IMMP2L: variants seen among roughly 807,000 people sequenced by gnomAD.
IMMP2L encodes mitochondrial inner membrane protease subunit 2.
A neutral mutation model predicts 19.3 loss-of-function variants in IMMP2L; 18 were observed. The ratio of observed to expected loss-of-function variants is 0.93; its 90% CI spans 0.64 to 1.38. The LOEUF is 1.38. Ranked by LOEUF, IMMP2L falls within the 40% of genes most tolerant of loss-of-function variation. The pLI is 0.00. For missense variants in IMMP2L, 233 were observed against 218.2 expected, an observed-to-expected ratio of 1.07 and a Z score of -0.43; for synonymous variants, 76 against 73.0, an observed-to-expected ratio of 1.04 and a Z score of -0.21.
At chr7:111,061,056 T>C (rs1275661226) in intron 3 of IMMP2L, among the ~76,000 whole-genome samples, 1 of 152,248 alleles carries the variant, frequency 6.6e-6, no homozygotes, top group East Asian at 1.9e-4. Flanking sequence ...GTGTTTATTT[T>C]CATGGTTGCA....
At chr7:111,001,609 ATT>A (rs1386335742) in intron 3 of IMMP2L, among the ~76,000 whole-genome samples, 1 of 152,202 alleles carries the variant, frequency 6.6e-6, no homozygotes, top group African/African-American at 2.4e-5. Context: ...ACATGAATCA[ATT>A]AAAGCAATAT....
At chr7:111,479,780 A>C (rs934620242) in intron 3 of IMMP2L, among the ~76,000 whole-genome samples, 4 of 152,160 alleles carry the variant, frequency 2.6e-5, no homozygotes, top group African/African-American at 9.7e-5. Context: ...ATTTATAAAC[A>C]TAAGCACTAG....
intron 2 of IMMP2L, among the ~76,000 whole-genome samples, chr7:111,510,647 G>C (rs1197166136): frequency 1.3e-5 from 2 of 152,020 alleles, no homozygotes; most frequent in Non-Finnish European, 2.9e-5. Context: ...CCCAAGGCCA[G>C]GTACCAGGCA....
At chr7:111,495,047 T>C (rs1389560710) in intron 2 of IMMP2L, among the ~76,000 whole-genome samples, 1 of 152,160 alleles carries the variant, frequency 6.6e-6, no homozygotes, top group African/African-American at 2.4e-5. Context: ...AAAAATTTAA[T>C]ATGCATAATT....
intron 3 of IMMP2L, among the ~76,000 whole-genome samples, chr7:111,284,435 G>C (rs1343653842): frequency 2.0e-5 from 3 of 152,114 alleles, no homozygotes; most frequent in African/African-American, 7.2e-5. Flanking sequence ...GAGAGAGGGA[G>C]TAGGACTGAG....
chr7:111,547,136 A>C (rs991717870), intron 1 of IMMP2L, among the ~76,000 whole-genome samples: 1 of 152,218 alleles, frequency 6.6e-6, no homozygotes, highest in African/African-American at 2.4e-5. Context: ...AAGACCACTG[A>C]CTGCAATCTT....
chr7:111,560,389 C>T (rs893073736), intron 1 of IMMP2L, among the ~76,000 whole-genome samples: 3 of 152,166 alleles, frequency 2.0e-5, no homozygotes, highest in Non-Finnish European at 4.4e-5. Context: ...ATCCTTTACA[C>T]TCTCCATGAT....
rs180885617 is a variant in IMMP2L at position 111,169,088 on chromosome 7, A to G, written c.240-205523T>C. On this transcript the variant is annotated intron_variant, in intron 3 of 5. Coordinates refer to ENST00000405709, the MANE Select transcript of IMMP2L (RefSeq NM_032549.4). ...GAGGTAATTTGCAAAAACAGCAATC[A>G]TGTAGTTTTTAAAAGTAACGCTGAG... 4.5e-3 allele frequency among the ~76,000 whole-genome samples: 683 copies of G among 152,084 alleles called. 5 individuals carry two copies. Among genetic ancestry groups the G allele is most frequent in the Non-Finnish European group, 7.0e-3 (477 of 67,916 alleles).
intron 3 of IMMP2L, among the ~76,000 whole-genome samples, chr7:111,454,848 G>A (rs1485287980): frequency 6.6e-6 from 1 of 151,952 alleles, no homozygotes; most frequent in African/African-American, 2.4e-5. Context: ...ATGGAATGAT[G>A]AATGATTAAG....
At chr7:110,917,522 T>C (rs1474486459) in intron 4 of IMMP2L, among the ~76,000 whole-genome samples, 2 of 152,228 alleles carry the variant, frequency 1.3e-5, no homozygotes, top group Non-Finnish European at 2.9e-5. Flanking sequence ...TAACTCATAT[T>C]TGTTGATGAA....
intron 3 of IMMP2L, among the ~76,000 whole-genome samples, chr7:111,454,757 T>C (rs1266236137): frequency 6.6e-6 from 1 of 152,064 alleles, no homozygotes; most frequent in African/African-American, 2.4e-5. Context: ...TACCCAAAAA[T>C]ATAATCTGGA....
At chr7:110,731,520 T>C (rs1796277393) in intron 5 of IMMP2L, among the ~76,000 whole-genome samples, 1 of 152,162 alleles carries the variant, frequency 6.6e-6, no homozygotes, top group South Asian at 2.1e-4. Context: ...GCAGTCTCTG[T>C]AATTTGGGGG....
intron 5 of IMMP2L, among the ~76,000 whole-genome samples, chr7:110,823,203 A>G (rs1803191221): frequency 6.6e-6 from 1 of 152,124 alleles, no homozygotes; most frequent in Non-Finnish European, 1.5e-5. Flanking sequence ...AACATTATTC[A>G]AATTGAATTG....
chr7:111,184,750 A>G (rs1188425109), intron 3 of IMMP2L, among the ~76,000 whole-genome samples: 2 of 135,470 alleles, frequency 1.5e-5, no homozygotes, highest in Non-Finnish European at 3.2e-5. Flanking sequence ...ATTCAGAACT[A>G]CCCATAGATG....
At chr7:111,159,115 G>A (rs1180417671) in intron 3 of IMMP2L, among the ~76,000 whole-genome samples, 1 of 152,002 alleles carries the variant, frequency 6.6e-6, no homozygotes, top group African/African-American at 2.4e-5. Flanking sequence ...TGATGCTGAT[G>A]ATTTTATTTA....
chr7:110,670,819 A>G (rs990329245), intron 5 of IMMP2L, among the ~76,000 whole-genome samples: 1 of 152,222 alleles, frequency 6.6e-6, no homozygotes, highest in Non-Finnish European at 1.5e-5. Flanking sequence ...AGAGAAAAAC[A>G]AAACAATTTT....
intron 3 of IMMP2L, among the ~76,000 whole-genome samples, chr7:111,393,744 T>C (rs993082259): frequency 6.6e-6 from 1 of 152,196 alleles, no homozygotes; most frequent in Non-Finnish European, 1.5e-5. Flanking sequence ...ATCTAATGTA[T>C]AAAACTAGCA....
rs143733907 is a variant in IMMP2L at position 110,783,990 on chromosome 7, A to G, written c.408+102603T>C. On this transcript the variant is annotated intron_variant, in intron 5 of 5. Transcript: ENST00000405709. ...TTAAAATTAAAAATCAAGTACTATT[A>G]ATTTTATGTCTTTTATGGCACAAAT... Among the ~76,000 whole-genome samples the G allele has an allele frequency of 2.4e-4, 37 of 152,000 alleles. 1 individual carries two copies. The Middle Eastern group carries it at 0.01, about 42-fold the overall frequency.
At chr7:110,886,449 A>C in intron 5 of IMMP2L, 144 bp downstream of exon 5, 2 of 599,930 alleles carry the variant, frequency 3.3e-6, no homozygotes, top group Non-Finnish European at 6.0e-6. Flanking sequence ...TATGATACTT[A>C]AAAGGAAATT....
Sources: allele counts gnomAD v4.1 joint callset (sites outside exome capture counted in the v4.1 genomes callset), GRCh38; gene constraint gnomAD v4.1.1; transcripts MANE v1.5; gene names NCBI Gene and HGNC (gene_info 2026-07-23, HGNC 2026-07-21).